Variants in CAP2 observed in about 807,000 individuals in gnomAD.
The protein encoded by CAP2 is adenylyl cyclase-associated protein 2.
Under a neutral mutation model 57.7 loss-of-function variants are expected in CAP2, and 24 were observed. The observed-to-expected ratio is 0.42, with a 90% CI of 0.30 to 0.58. The LOEUF (loss-of-function observed/expected upper bound fraction) is 0.58. CAP2 is among the 20% of genes least tolerant of loss of function. CAP2 has a pLI of 0.22. For missense variants in CAP2, 501 were observed against 590.3 expected, an observed-to-expected ratio of 0.85 and a Z score of 1.57; for synonymous variants, 194 against 207.2, an observed-to-expected ratio of 0.94 and a Z score of 0.55.
chr6:17,554,679 T>A (rs966379623), intron 12 of CAP2, among the ~76,000 whole-genome samples: 1 of 152,240 alleles, frequency 6.6e-6, no homozygotes, highest in African/African-American at 2.4e-5. Context: ...ATCATGGGCA[T>A]CAGCTTATCA....
rs530973244 is a variant in CAP2 at position 17,404,381 on chromosome 6, A to G, written c.-2+10635A>G. ...AGCACTTTGGGAGGCCAAGGCGGGC[A>G]GATCACGAGGTCAGGAGATGGAGAC... On this transcript the variant is annotated intron_variant, in intron 1 of 12. Coordinates refer to ENST00000229922, the MANE Select transcript of CAP2 (RefSeq NM_006366.3). Among the ~76,000 whole-genome samples, 274 of 152,212 alleles carry G rather than the reference A, an allele frequency of 1.8e-3. 1 individual carries two copies. The highest frequency in any genetic ancestry group is 6.8e-3 in the Middle Eastern group (2 of 294).
intron 4 of CAP2, among the ~76,000 whole-genome samples, chr6:17,471,221 G>C (rs1761010238): frequency 6.6e-6 from 1 of 152,180 alleles, no homozygotes; most frequent in Non-Finnish European, 1.5e-5. Context: ...CCCAGAAAAT[G>C]TCATAGCATT....
At chr6:17,445,181 AC>A (rs1760223011) in intron 3 of CAP2, among the ~76,000 whole-genome samples, 1 of 152,188 alleles carries the variant, frequency 6.6e-6, no homozygotes. Flanking sequence ...ATCTCAGCTC[AC>A]TGCAACCTCC....
chr6:17,474,600 A>G (rs1187816454), intron 4 of CAP2, among the ~76,000 whole-genome samples: 1 of 152,212 alleles, frequency 6.6e-6, no homozygotes, highest in East Asian at 1.9e-4. Context: ...TTGTATGAGA[A>G]CATACTTTGG....
intron 4 of CAP2, among the ~76,000 whole-genome samples, chr6:17,467,419 T>C (rs1760893378): frequency 6.6e-6 from 1 of 152,218 alleles, no homozygotes. Flanking sequence ...CATGAAATGA[T>C]TCGATACAGG....
At chr6:17,461,199 A>C (rs535523269) in intron 3 of CAP2, among the ~76,000 whole-genome samples, 5,624 of 147,126 alleles carry the variant, frequency 0.038, 369 homozygotes, top group African/African-American at 0.14. Context: ...AAAAAAAAAA[A>C]CCCTGTAATC....
intron 3 of CAP2, among the ~76,000 whole-genome samples, chr6:17,438,431 G>GTATTTT (rs1554122609): frequency 4.7e-5 from 4 of 85,464 alleles, no homozygotes; most frequent in African/African-American, 1.9e-4. Flanking sequence ...CCATCCAGAA[G>GTATTTT]TGTTTTTTTT....
At chr6:17,409,489 A>G (rs1006220077) in intron 1 of CAP2, among the ~76,000 whole-genome samples, 1 of 152,172 alleles carries the variant, frequency 6.6e-6, no homozygotes, top group Non-Finnish European at 1.5e-5. Context: ...TACAGAGCAC[A>G]GTGATGAGTG....
At chr6:17,539,491 C>T in intron 8 of CAP2, 33 bp downstream of exon 8, 1 of 1,558,256 alleles carries the variant, frequency 6.4e-7, no homozygotes, top group East Asian at 2.2e-5. Flanking sequence ...GAAGCTGCCT[C>T]CCTTTCCCTC....
chr6:17,457,977 G>C (rs767632355), intron 3 of CAP2, among the ~76,000 whole-genome samples: 1 of 152,184 alleles, frequency 6.6e-6, no homozygotes, highest in Non-Finnish European at 1.5e-5. Flanking sequence ...AGATGAGGAC[G>C]TTACCTCTAT....
At chr6:17,544,469 G>T (rs1762993225) in intron 11 of CAP2, among the ~76,000 whole-genome samples, 1 of 151,822 alleles carries the variant, frequency 6.6e-6, no homozygotes, top group Admixed American at 6.6e-5. Context: ...TAATAATTTT[G>T]ATTTAGCCAC....
chr6:17,464,905 G>T (rs1561793150), intron 4 of CAP2, among the ~76,000 whole-genome samples: 1 of 152,154 alleles, frequency 6.6e-6, no homozygotes, highest in Non-Finnish European at 1.5e-5. Context: ...GAGATTCTCA[G>T]GTAGAAGAAG....
At chr6:17,452,872 G>T (rs2113581041) in intron 3 of CAP2, among the ~76,000 whole-genome samples, 1 of 152,172 alleles carries the variant, frequency 6.6e-6, no homozygotes, top group East Asian at 1.9e-4. Flanking sequence ...ACATATGTCA[G>T]TTCATGGGGA....
intron 7 of CAP2, among the ~76,000 whole-genome samples, chr6:17,519,769 G>C (rs986021258): frequency 6.6e-6 from 1 of 152,110 alleles, no homozygotes; most frequent in African/African-American, 2.4e-5. Flanking sequence ...TGAAATAATT[G>C]ACTTTTTTCC....
chr6:17,450,576 T>C (rs1760376783), intron 3 of CAP2, among the ~76,000 whole-genome samples: 2 of 152,188 alleles, frequency 1.3e-5, no homozygotes, highest in South Asian at 4.1e-4. Context: ...GTAAATACTT[T>C]TGTGAGCTGG....
intron 4 of CAP2, among the ~76,000 whole-genome samples, chr6:17,502,694 A>T (rs1761856984): frequency 6.6e-6 from 1 of 152,142 alleles, no homozygotes; most frequent in Non-Finnish European, 1.5e-5. Flanking sequence ...GGCCTTAATA[A>T]ATCTCTCTAA....
chr6:17,396,346 C>A (rs1758663224), intron 1 of CAP2, among the ~76,000 whole-genome samples: 1 of 152,136 alleles, frequency 6.6e-6, no homozygotes, highest in South Asian at 2.1e-4. Flanking sequence ...AACCTGTACA[C>A]AGATGTTGAC....
intron 1 of CAP2, among the ~76,000 whole-genome samples, chr6:17,409,411 T>C (rs893732673): frequency 1.3e-5 from 2 of 152,038 alleles, no homozygotes; most frequent in African/African-American, 4.8e-5. Context: ...GTTACCATCA[T>C]TGTGTCTGGA....
chr6:17,416,081 T>C (rs994241505), intron 1 of CAP2, among the ~76,000 whole-genome samples: 2 of 151,586 alleles, frequency 1.3e-5, no homozygotes, highest in Non-Finnish European at 2.9e-5. Flanking sequence ...TGTGTAAATA[T>C]GTTCAGAGGG....
Sources: gnomAD v4.1 joint callset for allele counts (sites outside exome capture counted in the v4.1 genomes callset) on GRCh38, gnomAD v4.1.1 for gene constraint, MANE v1.5 for transcripts, NCBI Gene and HGNC (gene_info 2026-07-23, HGNC 2026-07-21) for gene names.